RELB: variants seen among roughly 807,000 people sequenced by gnomAD.
RELB encodes transcription factor RelB.
In RELB, 14 loss-of-function variants were observed where a neutral mutation model predicts 55.4. The ratio of observed to expected loss-of-function variants is 0.25; its 90% CI spans 0.17 to 0.40. The LOEUF is 0.40. Among genes scored for constraint, RELB ranks in the 10% least tolerant of loss-of-function variants. The pLI, the probability that RELB is intolerant of heterozygous loss-of-function variation, is 1.00. For synonymous variants in RELB, 409 were observed against 371.3 expected, an observed-to-expected ratio of 1.10 and a Z score of -1.17; for missense variants, 669 against 830.7, an observed-to-expected ratio of 0.81 and a Z score of 2.39.
intron 5 of RELB, among the ~76,000 whole-genome samples, chr19:45,024,447 C>T (rs2122463008): frequency 6.6e-6 from 1 of 152,286 alleles, no homozygotes; most frequent in South Asian, 2.1e-4. Flanking sequence ...CAGGCGTGAG[C>T]CACCACGCCC....
rs1423556970 is a variant in RELB, at chr19:45,011,980, G to T, written c.208G>T (p.Gly70Trp). The T allele has an allele frequency of 6.4e-7, 1 of 1,572,106 alleles. No individual in the cohort carries two copies. ...YIKENGFGLD[G>W]GQPGPGEGLP... ...CAAGGAGAACGGCTTCGGCCTGGAC[G>T]GGGGACAGCCGGGCCCGGGCGAGGG... Residue 70 changes from glycine to tryptophan, a missense_variant, in exon 4 of 12, where the codon GGG becomes TGG. Gly to Trp is a radical substitution (Grantham distance 184). Transcript: ENST00000221452.
chr19:45,031,269 G>A (rs1029467905), intron 8 of RELB, among the ~76,000 whole-genome samples: 6 of 151,806 alleles, frequency 4.0e-5, no homozygotes, highest in Non-Finnish European at 7.4e-5. Context: ...GACCACAGGC[G>A]TGCGCCACCA....
chr19:45,003,210 G>A (rs557073966), intron 2 of RELB, among the ~76,000 whole-genome samples: 2 of 152,112 alleles, frequency 1.3e-5, no homozygotes, highest in South Asian at 2.1e-4. Flanking sequence ...GGTGGCTCAC[G>A]CCTGTAGTCC....
In RELB at chr19:45,037,692, G is replaced by A; in HGVS notation, c.1642G>A (p.Gly548Ser). ...SYQAPGPGDG[G>S]TASLVGSNMF... ...CCAGGCCCCGGGCCCCGGGGATGGA[G>A]GCACCGCCAGCCTTGTGGGCAGCAA... Residue 548 changes from glycine (G) to serine (S), a missense_variant, in exon 12 of 12, where the codon GGC becomes AGC. This residue lies in a region of RELB where 341 missense variants were observed against 436.8 expected (regional missense o/e 0.78). Coordinates refer to ENST00000221452, the MANE Select transcript of RELB (RefSeq NM_006509.4). 1 of 1,560,554 alleles carries A rather than the reference G, an allele frequency of 6.4e-7. No individual in the cohort carries two copies. Among genetic ancestry groups the A allele is most frequent in the Non-Finnish European group, 8.6e-7 (1 of 1,157,554 alleles).
At position 45,037,945 on chromosome 19, in the gene RELB, T is replaced by C; in HGVS notation, c.*155T>C. On this transcript the variant is annotated 3_prime_UTR_variant, in exon 12 of 12. Transcript: ENST00000221452. ...TTGGCGAGAAGCTCCGTTGCACGGG[T>C]TTCCCCTTGAGCCCATTTTACAGAT... is the stretch of plus-strand genomic sequence containing the variant. The C allele has an allele frequency of 1.4e-6, 1 of 711,092 alleles. No individual in the cohort carries two copies. Among genetic ancestry groups the C allele is most frequent in the South Asian group, 3.3e-5 (1 of 30,312 alleles). 44.0% of individuals were successfully genotyped at this position (711,092 alleles called of 1,614,324 possible).
At chr19:45,008,780 T>C in intron 2 of RELB, 1 of 306,652 alleles carries the variant, frequency 3.3e-6, no homozygotes, top group Non-Finnish European at 6.7e-6. Flanking sequence ...GTGGGACACC[T>C]GGCTGCAGCT....
chr19:45,030,040 A>T (rs1444251458), intron 8 of RELB, among the ~76,000 whole-genome samples: 1 of 151,786 alleles, frequency 6.6e-6, no homozygotes. Flanking sequence ...GGTAGTGTGC[A>T]CCTGTAGTCC....
At chr19:45,026,173 C>T (rs964966418) in intron 7 of RELB, among the ~76,000 whole-genome samples, 2 of 151,874 alleles carry the variant, frequency 1.3e-5, no homozygotes, top group Non-Finnish European at 2.9e-5. Context: ...ACCCGGGAGG[C>T]GGAGGTTGCA....
rs34339153 is a variant in RELB at position 45,005,439 on chromosome 19, G to T, written c.154+2443G>T. Among the ~76,000 whole-genome samples, 898 of 152,246 alleles carry T rather than the reference G, an allele frequency of 5.9e-3. 13 individuals carry two copies. The highest frequency in any genetic ancestry group is 0.02 in the African/African-American group (830 of 41,538). ...TATGAATACTCAGTGGCTCCAGTTAGCTGGGTCTGGGCCTTTCTCTGGAGA... is the reference window on the plus strand; with the variant it reads ...TATGAATACTCAGTGGCTCCAGTTATCTGGGTCTGGGCCTTTCTCTGGAGA... On this transcript the variant is annotated intron_variant, in intron 2 of 11. Transcript: ENST00000221452.
intron 2 of RELB, among the ~76,000 whole-genome samples, chr19:45,008,956 T>C (rs968155615): frequency 3.3e-5 from 5 of 152,178 alleles, no homozygotes; most frequent in Non-Finnish European, 7.3e-5. Flanking sequence ...CCAGCATTAC[T>C]GTACCTCCTC....
rs1356126146 is a variant in RELB, at chr19:45,009,799, C to T, written c.155-15C>T. 2 of 1,599,208 alleles carry T rather than the reference C, an allele frequency of 1.3e-6. No homozygotes were observed. The highest frequency in any genetic ancestry group is 1.7e-5 in the Admixed American group (1 of 59,954). ...GGACCTTACCTTTCTCTTTCTCTTT[C>T]TCTTCCTTCCACAGATGAATTGGGT... On this transcript the variant is annotated splice_polypyrimidine_tract_variant and intron_variant, in intron 2 of 11. Transcript: ENST00000221452.
chr19:45,031,208 T>C (rs1326442478), intron 8 of RELB, among the ~76,000 whole-genome samples: 1 of 151,966 alleles, frequency 6.6e-6, no homozygotes, highest in Non-Finnish European at 1.5e-5. Context: ...GTTTCCGTTT[T>C]TGTTTTTTTT....
chr19:45,005,162 G>A (rs1256011675), intron 2 of RELB, among the ~76,000 whole-genome samples: 1 of 151,994 alleles, frequency 6.6e-6, no homozygotes, highest in Admixed American at 6.6e-5. Context: ...CAGAGCAAGA[G>A]CCTCCGTCTC....
chr19:45,032,876 A>G (rs1362917324), intron 9 of RELB, 127 bp downstream of exon 9: 16 of 791,082 alleles, frequency 2.0e-5, no homozygotes, highest in Non-Finnish European at 2.8e-5. Context: ...GACAGTGTTC[A>G]GATCCTGGCT....
chr19:45,037,884 C>T lies in RELB; in HGVS notation c.*94C>T, dbSNP rs1200196092. Reference sequence around the variant, plus strand: ...ATGTCTAGCACCCCCATCCCCTTGGCCCTTCCTCATGCTTCTGAAGTGGAC... The same window carrying T: ...ATGTCTAGCACCCCCATCCCCTTGGTCCTTCCTCATGCTTCTGAAGTGGAC... On this transcript the variant is annotated 3_prime_UTR_variant, in exon 12 of 12. Coordinates refer to ENST00000221452, the MANE Select transcript of RELB (RefSeq NM_006509.4). The T allele has an allele frequency of 2.3e-6, 3 of 1,277,586 alleles. No individual in the cohort carries two copies. The African/African-American group carries it at 4.6e-5, about 20-fold the overall frequency. 79.1% of individuals were successfully genotyped at this position (1,277,586 alleles called of 1,614,324 possible). A position where few individuals can be genotyped will look rare whatever the true frequency, so the allele number is the denominator to read the frequency against.
Position 45,025,625 on chromosome 19 carries a change from T to C in RELB, c.774T>C (p.His258=). The C allele has an allele frequency of 6.2e-7, 1 of 1,613,782 alleles. No individual in the cohort carries two copies. The highest frequency in any genetic ancestry group is 8.5e-7 in the Non-Finnish European group (1 of 1,179,846). ...DPYNAGSLKN[H]QEVDMNVVRI... ...CGACAGCTGGGTCCCTGAAGAACCA[T>C]CAGGAAGTAGACATGAATGTGGTGA... Residue 258 remains histidine, a synonymous_variant, in exon 7 of 12, where the codon CAT becomes CAC. Coordinates refer to ENST00000221452, the MANE Select transcript of RELB (RefSeq NM_006509.4).
intron 9 of RELB, 68 bp downstream of exon 9, chr19:45,032,817 G>T: frequency 7.6e-7 from 1 of 1,324,494 alleles, no homozygotes; most frequent in Non-Finnish European, 1.0e-6. Context: ...GGAGACCCCA[G>T]TGGGGATGGG....
chr19:45,003,923 T>G (rs1414881493), intron 2 of RELB, among the ~76,000 whole-genome samples: 5 of 123,726 alleles, frequency 4.0e-5, no homozygotes, highest in South Asian at 2.8e-4. Context: ...GTGTTTTTTT[T>G]TTTTTTTTTT....
At chr19:45,011,832 G>GAGAGAGAGAGAGAGAT (rs1971361107) in intron 3 of RELB, 104 bp from the exon 4 acceptor site, 1 of 424,364 alleles carries the variant, frequency 2.4e-6, no homozygotes, top group Non-Finnish European at 4.0e-6. Flanking sequence ...GAGAGAGAGA[G>GAGAGAGAGAGAGAGAT]AGATAAATGG....
Sources: gnomAD v4.1 joint callset for allele counts (sites outside exome capture counted in the v4.1 genomes callset) on GRCh38, gnomAD v4.1.1 for gene constraint, gnomAD v4.1.1 regional missense constraint, MANE v1.5 for transcripts, NCBI Gene and HGNC (gene_info 2026-07-23, HGNC 2026-07-21) for gene names.